The following EPHA3 variants were observed in gnomAD, a reference collection of about 807,000 sequenced individuals.
EPHA3 encodes ephrin type-A receptor 3.
A neutral mutation model predicts 107.1 loss-of-function variants in EPHA3; 42 were observed. That is an observed-to-expected ratio of 0.39 (90% CI 0.31 to 0.51). The LOEUF (loss-of-function observed/expected upper bound fraction) is 0.51, where lower values mean the gene tolerates loss of function less well. Ranked by LOEUF, EPHA3 falls within the 20% of genes least tolerant of loss-of-function variation. EPHA3 has a pLI of 0.78. For synonymous variants in EPHA3, 461 were observed against 424.8 expected (o/e 1.09, Z -1.05); for missense variants, 1,183 against 1,211.2 (o/e 0.98, Z 0.35).
chr3:89,376,090 A>G (rs1217760225), intron 5 of EPHA3, among the ~76,000 whole-genome samples: 1 of 151,988 alleles, frequency 6.6e-6, no homozygotes, highest in Non-Finnish European at 1.5e-5. Flanking sequence ...ACTGATAAGC[A>G]AAGGTAAGCA....
intron 2 of EPHA3, among the ~76,000 whole-genome samples, chr3:89,198,847 T>C (rs547838477): frequency 6.6e-6 from 1 of 152,298 alleles, no homozygotes; most frequent in Non-Finnish European, 1.5e-5. Flanking sequence ...GCTGTCACTG[T>C]TATGCATTAA....
chr3:89,121,509 A>G (rs929843495), intron 1 of EPHA3, among the ~76,000 whole-genome samples: 1 of 152,174 alleles, frequency 6.6e-6, no homozygotes, highest in Non-Finnish European at 1.5e-5. Flanking sequence ...CTGTAATCTC[A>G]GCACTTTGGG....
chr3:89,414,523 A>G (rs1576366335), intron 10 of EPHA3, among the ~76,000 whole-genome samples: 1 of 151,756 alleles, frequency 6.6e-6, no homozygotes, highest in South Asian at 2.1e-4. Flanking sequence ...ATGATGCAGA[A>G]GGGTTTAGTC....
At chr3:89,460,340 G>A (rs1710198158) in intron 15 of EPHA3, among the ~76,000 whole-genome samples, 1 of 142,222 alleles carries the variant, frequency 7.0e-6, no homozygotes, top group South Asian at 2.2e-4. Context: ...GTTTTAAATG[G>A]AAGGCAACAC....
At chr3:89,362,519 T>C (rs1240376574) in intron 5 of EPHA3, among the ~76,000 whole-genome samples, 1 of 151,202 alleles carries the variant, frequency 6.6e-6, no homozygotes, top group African/African-American at 2.4e-5. Flanking sequence ...CCTACACTTT[T>C]TTTAGTCACA....
At position 89,479,443 on chromosome 3, in the gene EPHA3, A is replaced by T; in HGVS notation, c.2893A>T (p.Ile965Phe). The change falls in exon 17 of 17, where the codon ATC becomes TTC. Residue 965 changes from isoleucine (I) to phenylalanine (F), a missense_variant. Coordinates refer to ENST00000336596, the MANE Select transcript of EPHA3 (RefSeq NM_005233.6). ...CACCGTGGTTGGGCCACAGAAGAAG[A>T]TCATCAGTAGCATTAAAGCTCTAGA... The part of the protein sequence containing the change: ...GVTVVGPQKK[I>F]ISSIKALETQ... The T allele has an allele frequency of 6.2e-7, 1 of 1,614,172 alleles. No homozygotes were observed. The highest frequency in any genetic ancestry group is 8.5e-7 in the Non-Finnish European group (1 of 1,180,006).
intron 2 of EPHA3, among the ~76,000 whole-genome samples, chr3:89,165,435 C>G (rs1224549776): frequency 1.3e-5 from 2 of 152,112 alleles, no homozygotes; most frequent in Non-Finnish European, 2.9e-5. Context: ...AAATATATTT[C>G]AAATTGGTTC....
At chr3:89,169,047 C>T (rs866578017) in intron 2 of EPHA3, among the ~76,000 whole-genome samples, 6 of 152,124 alleles carry the variant, frequency 3.9e-5, no homozygotes, top group Admixed American at 1.3e-4. Context: ...CTGGAGACAA[C>T]TGTTCCTTGG....
intron 11 of EPHA3, among the ~76,000 whole-genome samples, chr3:89,424,416 A>G (rs1709416587): frequency 6.6e-6 from 1 of 151,446 alleles, no homozygotes; most frequent in Non-Finnish European, 1.5e-5. Flanking sequence ...AAACAAACCC[A>G]CAAATGTCAC....
chr3:89,411,467 C>T (rs1709153260), intron 9 of EPHA3, among the ~76,000 whole-genome samples: 2 of 151,862 alleles, frequency 1.3e-5, no homozygotes, highest in African/African-American at 4.8e-5. Flanking sequence ...GCCCTCTCAC[C>T]ACCATCCCTG....
intron 3 of EPHA3, among the ~76,000 whole-genome samples, chr3:89,339,139 G>A (rs572220713): frequency 3.8e-4 from 58 of 152,148 alleles, no homozygotes; most frequent in African/African-American, 1.4e-3. Flanking sequence ...TTGGGAGGCC[G>A]AGGCGGGCGG....
chr3:89,422,958 C>T (rs1346726541), intron 11 of EPHA3, among the ~76,000 whole-genome samples: 2 of 151,244 alleles, frequency 1.3e-5, no homozygotes, highest in Admixed American at 6.6e-5. Context: ...GGGGCACAGG[C>T]TCTGCTCACA....
chr3:89,139,624 T>C (rs1704385603), intron 2 of EPHA3, among the ~76,000 whole-genome samples: 1 of 151,828 alleles, frequency 6.6e-6, no homozygotes, highest in South Asian at 2.1e-4. Flanking sequence ...TAAAATATAT[T>C]TGAATGAGTA....
chr3:89,116,069 A>G (rs1355500226), intron 1 of EPHA3, among the ~76,000 whole-genome samples: 2 of 152,090 alleles, frequency 1.3e-5, no homozygotes, highest in African/African-American at 4.8e-5. Flanking sequence ...TGTGGGGGGG[A>G]CCCACTAAGA....
chr3:89,433,825 G>A (rs1171505752), intron 13 of EPHA3, among the ~76,000 whole-genome samples: 2 of 152,066 alleles, frequency 1.3e-5, no homozygotes, highest in African/African-American at 4.8e-5. Context: ...CCTCAACAGT[G>A]CTTTTTAGTT....
intron 10 of EPHA3, 50 bp downstream of exon 10, chr3:89,413,316 T>C: frequency 6.2e-7 from 1 of 1,606,760 alleles, no homozygotes; most frequent in Non-Finnish European, 8.5e-7. Flanking sequence ...TGAATCACGA[T>C]TGCTCAGTCT....
intron 1 of EPHA3, among the ~76,000 whole-genome samples, chr3:89,120,038 T>C (rs1311855517): frequency 1.3e-5 from 2 of 152,192 alleles, no homozygotes; most frequent in Admixed American, 1.3e-4. Flanking sequence ...ATATTCTACA[T>C]TTTATGATAA....
At chr3:89,334,225 A>C (rs1312630224) in intron 3 of EPHA3, among the ~76,000 whole-genome samples, 1 of 152,218 alleles carries the variant, frequency 6.6e-6, no homozygotes, top group Non-Finnish European at 1.5e-5. Context: ...ATTTGACTAT[A>C]AAACCAATAT....
chr3:89,121,877 G>A (rs1175338541), intron 1 of EPHA3, among the ~76,000 whole-genome samples: 1 of 152,022 alleles, frequency 6.6e-6, no homozygotes, highest in Non-Finnish European at 1.5e-5. Flanking sequence ...CAATATATAA[G>A]TACATCAAAA....
Sources: allele counts gnomAD v4.1 joint callset (sites outside exome capture counted in the v4.1 genomes callset), GRCh38; gene constraint gnomAD v4.1.1; transcripts MANE v1.5; gene names NCBI Gene and HGNC (gene_info 2026-07-23, HGNC 2026-07-21).